Variants in CACNA2D4 observed in about 807,000 individuals in gnomAD.
The protein encoded by CACNA2D4 is voltage-dependent calcium channel subunit alpha-2/delta-4.
In CACNA2D4, 157 loss-of-function variants were observed where a neutral mutation model predicts 163.8. The ratio of observed to expected loss-of-function variants is 0.96; its 90% CI spans 0.84 to 1.09. The LOEUF (loss-of-function observed/expected upper bound fraction) is 1.09, where lower values mean the gene tolerates loss of function less well. Among genes scored for constraint, CACNA2D4 ranks in the 50% least tolerant of loss-of-function variants. The pLI, the probability that CACNA2D4 is intolerant of heterozygous loss-of-function variation, is 0.00. For synonymous variants in CACNA2D4, 598 were observed against 586.9 expected (o/e 1.02, Z -0.27); for missense variants, 1,410 against 1,479.9 (o/e 0.95, Z 0.78).
intron 22 of CACNA2D4, among the ~76,000 whole-genome samples, chr12:1,854,297 A>AC (rs1169214394): frequency 6.6e-6 from 1 of 151,922 alleles, no homozygotes; most frequent in Non-Finnish European, 1.5e-5. Context: ...AACTTAGGAG[A>AC]CCCTCAGTGA....
intron 3 of CACNA2D4, among the ~76,000 whole-genome samples, chr12:1,912,590 GGGGAGCTT>G (rs1320983463): frequency 6.6e-6 from 1 of 152,162 alleles, no homozygotes; most frequent in Admixed American, 6.5e-5. Flanking sequence ...AGAGGGGAGG[GGGGAGCTT>G]GGCTTTGCTG....
chr12:1,811,577 G>T, intron 27 of CACNA2D4, 85 bp downstream of exon 27: 1 of 1,349,472 alleles, frequency 7.4e-7, no homozygotes, highest in Non-Finnish European at 1.0e-6. Flanking sequence ...AGGCAGTGGA[G>T]CATCCAAGGG....
intron 18 of CACNA2D4, among the ~76,000 whole-genome samples, chr12:1,866,333 G>A (rs1423344648): frequency 6.6e-6 from 1 of 152,078 alleles, no homozygotes; most frequent in Non-Finnish European, 1.5e-5. Context: ...ACTCTGCTAT[G>A]TGCTATTGTT....
In CACNA2D4 at chr12:1,886,351, G is replaced by C; in HGVS notation, c.865C>G (p.Pro289Ala). The C allele has an allele frequency of 6.2e-7, 1 of 1,613,890 alleles. No individual in the cohort carries two copies. The highest frequency in any genetic ancestry group is 1.7e-5 in the Admixed American group (1 of 60,000). Residue 289 changes from proline to alanine, a missense_variant, in exon 8 of 38, where the codon CCC (proline) becomes GCC (alanine). By Grantham distance (27) the Pro-to-Ala change is conservative. Transcript: ENST00000382722. ...TCCACCAAAATCACTATGTCCTTGG[G>C]AGAAGTAGCAGCTTGAATGTACCTG... ...RGWYIQAATS[P>A]KDIVILVDVS... is the part of the protein sequence containing the mutation.
chr12:1,898,677 C>CTG (rs148994217), intron 6 of CACNA2D4, among the ~76,000 whole-genome samples: 2,479 of 149,366 alleles, frequency 0.017, 57 homozygotes, highest in South Asian at 0.066. Flanking sequence ...TCCCACAACT[C>CTG]TGTGTGTGTG....
chr12:1,909,329 C>G (rs969757076), intron 4 of CACNA2D4, among the ~76,000 whole-genome samples: 8 of 152,206 alleles, frequency 5.3e-5, no homozygotes, highest in Admixed American at 2.0e-4. Context: ...GTAGCTGGGA[C>G]TACAAGCGCC....
chr12:1,800,746 C>G (rs920177111), intron 31 of CACNA2D4: 2 of 591,692 alleles, frequency 3.4e-6, no homozygotes, highest in African/African-American at 3.7e-5. Context: ...CCCTGGTGAT[C>G]AAGCGGCAGT....
chr12:1,846,764 G>A lies in CACNA2D4; in HGVS notation c.2247-75C>T, dbSNP rs143765662. The A allele has an allele frequency of 1.9e-3, 2,374 of 1,222,582 alleles. 18 individuals carry two copies. The highest frequency in any genetic ancestry group is 8.7e-3 in the Middle Eastern group (47 of 5,386). 75.7% of individuals were successfully genotyped at this position (1,222,582 alleles called of 1,614,324 possible). A position where few individuals can be genotyped will look rare whatever the true frequency, so the allele number is the denominator to read the frequency against. The stretch of plus-strand genomic sequence containing the variant: ...CTTGGGGGCGACCTGCAGGGGTTTG[G>A]GGGCCTCTCCTTGCTCCTGCCTGGC... On this transcript the variant is annotated intron_variant, in intron 23 of 37. Coordinates refer to ENST00000382722, the MANE Select transcript of CACNA2D4 (RefSeq NM_172364.5).
At chr12:1,910,017 G>T in intron 3 of CACNA2D4, 52 bp from the exon 4 acceptor site, 1 of 1,498,630 alleles carries the variant, frequency 6.7e-7, no homozygotes, top group Non-Finnish European at 9.3e-7. Flanking sequence ...GAGCCCAGTG[G>T]GTTTTCAGCA....
In CACNA2D4 at chr12:1,834,425, A is replaced by C; in HGVS notation, c.2551+6314T>G. 6.2e-7 allele frequency: 1 copy of C among 1,612,936 alleles called. No homozygotes were observed. Among genetic ancestry groups the C allele is most frequent in the Non-Finnish European group, 8.5e-7 (1 of 1,179,992 alleles). On this transcript the variant is annotated intron_variant, in intron 26 of 37. Transcript: ENST00000382722. This position sits in a 1 kb window ranked among gnomAD's most constrained non-coding sequence, Gnocchi z 7.6. ...TCCTGGGCCACCCTGCACCAAGGCC[A>C]GTCCAGAGCCTGCTAAGCCCAAGCC...
chr12:1,878,780 G>C lies in CACNA2D4; in HGVS notation c.1644+176C>G, dbSNP rs1366800902. ...AAGTCATAGTTCGTGGTGGGAAAGG[G>C]ACCCAGGGGCACCAGTTGCTGCTCC... On this transcript the variant is annotated intron_variant, in intron 15 of 37. Coordinates refer to ENST00000382722, the MANE Select transcript of CACNA2D4 (RefSeq NM_172364.5). This position sits in a 1 kb window ranked among gnomAD's most constrained non-coding sequence, Gnocchi z 4.6. Among the ~76,000 whole-genome samples, 1 of 152,194 alleles carries C rather than the reference G, an allele frequency of 6.6e-6. No homozygotes were observed. The highest frequency in any genetic ancestry group is 2.4e-5 in the African/African-American group (1 of 41,450).
At chr12:1,916,826 C>T (rs1341786878) in intron 1 of CACNA2D4, among the ~76,000 whole-genome samples, 3 of 151,998 alleles carry the variant, frequency 2.0e-5, no homozygotes, top group South Asian at 4.2e-4. Context: ...AAGAGAGGTT[C>T]GGCGGGAGTG....
At position 1,795,419 on chromosome 12, in the gene CACNA2D4, G is replaced by C. The variant is rs983663199; in HGVS notation, c.3227-38C>G. The C allele has an allele frequency of 3.2e-6, 5 of 1,574,986 alleles. No individual in the cohort carries two copies. In the Admixed American group the frequency reaches 5.2e-5, roughly 16 times the overall value. ...CTGTTAAGGTCAATATCTCAGGACC[G>C]GAGCCCATTCTGCAGACTGGAAAAA... On this transcript the variant is annotated intron_variant, in intron 36 of 37. Coordinates refer to ENST00000382722, the MANE Select transcript of CACNA2D4 (RefSeq NM_172364.5).
At chr12:1,884,222 A>G in intron 12 of CACNA2D4, 21 bp downstream of exon 12, 3 of 1,607,180 alleles carry the variant, frequency 1.9e-6, no homozygotes, top group Non-Finnish European at 2.5e-6. Flanking sequence ...GTGGGAAGGT[A>G]CCTGCTGGCC....
intron 6 of CACNA2D4, among the ~76,000 whole-genome samples, chr12:1,887,775 G>A (rs1866184385): frequency 6.6e-6 from 1 of 152,084 alleles, no homozygotes; most frequent in African/African-American, 2.4e-5. Flanking sequence ...TTTATGATTG[G>A]GAATAGTGGG....
chr12:1,827,260 C>CCAGTT (rs1565690934), intron 26 of CACNA2D4: 1 of 143,114 alleles, frequency 7.0e-6, no homozygotes, highest in Non-Finnish European at 1.5e-5. Flanking sequence ...AGCCTGTGTC[C>CCAGTT]CAGTTGGGAG....
chr12:1,795,872 T>TAGGGTGGCAGGG (rs1402249052), intron 35 of CACNA2D4, 92 bp from the exon 36 acceptor site: 1 of 861,176 alleles, frequency 1.2e-6, no homozygotes, highest in Non-Finnish European at 2.0e-6. Context: ...AGTGTGGAGT[T>TAGGGTGGCAGGG]AGGGTGGCAG....
Position 1,843,529 on chromosome 12 carries a change from C to T in CACNA2D4, c.2470+873G>A, listed in dbSNP as rs1428760206. On this transcript the variant is annotated intron_variant, in intron 25 of 37. Coordinates refer to ENST00000382722, the MANE Select transcript of CACNA2D4 (RefSeq NM_172364.5). This position sits in a 1 kb window ranked among gnomAD's most constrained non-coding sequence, Gnocchi z 4.6. ...ATCCATGTGCTGGAATGGGATCAGC[C>T]GCCCCAGCACTCACCTGGTGGAGGG... Among the ~76,000 whole-genome samples, 1 of 152,182 alleles carries T rather than the reference C, an allele frequency of 6.6e-6. No individual in the cohort carries two copies. Among genetic ancestry groups the T allele is most frequent in the African/African-American group, 2.4e-5 (1 of 41,432 alleles).
chr12:1,823,769 A>G (rs1035431534), intron 26 of CACNA2D4, among the ~76,000 whole-genome samples: 1 of 152,214 alleles, frequency 6.6e-6, no homozygotes, highest in African/African-American at 2.4e-5. Flanking sequence ...TTCCTTCATC[A>G]GGGCAATGGG....
Sources: allele counts gnomAD v4.1 joint callset (sites outside exome capture counted in the v4.1 genomes callset), GRCh38; gene constraint gnomAD v4.1.1; non-coding constraint Gnocchi (gnomAD v3.1); transcripts MANE v1.5; gene names NCBI Gene and HGNC (gene_info 2026-07-23, HGNC 2026-07-21).